Variants in SASH1 observed in about 807,000 individuals in gnomAD.
SASH1 encodes the protein SAM and SH3 domain containing 1, also known as SAM and SH3 domain-containing protein 1.
SASH1 carries 44 observed loss-of-function variants against 125.2 expected under a neutral mutation model. The ratio of observed to expected loss-of-function variants is 0.35; its 90% CI spans 0.28 to 0.45. The LOEUF (loss-of-function observed/expected upper bound fraction) is 0.45, where lower values mean the gene tolerates loss of function less well. SASH1 is among the 20% of genes least tolerant of loss of function. SASH1 has a pLI of 1.00. For synonymous variants in SASH1, 639 were observed against 649.1 expected, an observed-to-expected ratio of 0.98 and a Z score of 0.24; for missense variants, 1,426 against 1,614.5, an observed-to-expected ratio of 0.88 and a Z score of 2.00.
chr6:148,364,277 C>A (rs73601392), intron 1 of SASH1, among the ~76,000 whole-genome samples: 1 of 151,976 alleles, frequency 6.6e-6, no homozygotes. Context: ...ACGTTGAGAT[C>A]GAGAAGGAAG....
chr6:148,243,761 A>G, the SASH1 span, among the ~76,000 whole-genome samples: 1 of 151,758 alleles, frequency 6.6e-6, no homozygotes, highest in African/African-American at 2.4e-5. Flanking sequence ...CGTGACAGTC[A>G]TTATTGAGCT....
rs1779901104 is a variant in SASH1, at chr6:148,300,218, A to T, written n.74+27841A>T. 2.0e-5 allele frequency among the ~76,000 whole-genome samples: 3 copies of T among 152,268 alleles called. No homozygotes were observed. The South Asian group carries it at 6.2e-4, about 32-fold the overall frequency. Reference sequence around the variant, plus strand: ...TTAGTATGATCAGATTCACAAGATGATTTTATGCTAATACTCATTTTCATA... The same window carrying T: ...TTAGTATGATCAGATTCACAAGATGTTTTTATGCTAATACTCATTTTCATA... On this transcript the variant is annotated intron_variant and non_coding_transcript_variant, in intron 1 of 3. Coordinates refer to the SASH1 transcript ENST00000367469.
At chr6:148,212,017 C>T in the SASH1 span, among the ~76,000 whole-genome samples, 7 of 152,326 alleles carry the variant, frequency 4.6e-5, no homozygotes, top group African/African-American at 1.7e-4. Context: ...AATGTCCCCT[C>T]TCAGCTTCAG....
chr6:148,210,558 A>G, the SASH1 span, among the ~76,000 whole-genome samples: 2 of 152,168 alleles, frequency 1.3e-5, no homozygotes, highest in African/African-American at 4.8e-5. Context: ...TCAAAAAACT[A>G]TATCATTGCT....
chr6:148,318,271 C>T (rs1780532249), intron 1 of SASH1, among the ~76,000 whole-genome samples: 2 of 152,134 alleles, frequency 1.3e-5, no homozygotes. Context: ...GGTAGCATTA[C>T]AAAATATTTA....
At chr6:148,238,095 A>AG in the SASH1 span, among the ~76,000 whole-genome samples, 1 of 152,000 alleles carries the variant, frequency 6.6e-6, no homozygotes, top group African/African-American at 2.4e-5. Context: ...TTTTTCTTCA[A>AG]GTTTTTACTC....
At chr6:148,368,770 G>GCGCGCGCACACACACACACA (rs1554245330) in intron 1 of SASH1, among the ~76,000 whole-genome samples, 1 of 135,644 alleles carries the variant, frequency 7.4e-6, no homozygotes, top group African/African-American at 2.7e-5. Flanking sequence ...GCACGCGCGC[G>GCGCGCGCACACACACACACA]CACACACACA....
the SASH1 span, among the ~76,000 whole-genome samples, chr6:148,235,394 A>G: frequency 6.6e-6 from 1 of 151,906 alleles, no homozygotes; most frequent in Admixed American, 6.6e-5. Flanking sequence ...TGTTACTATC[A>G]CTCCTTATTG....
chr6:148,343,094 G>GGGGCCGGAGCCTGAGCCC lies in SASH1; in HGVS notation c.29_46dup (p.Gly10_Pro15dup). 2.6e-6 allele frequency: 4 copies of GGGGCCGGAGCCTGAGCCC among 1,548,918 alleles called. No individual in the cohort carries two copies. Among genetic ancestry groups the GGGGCCGGAGCCTGAGCCC allele is most frequent in the Middle Eastern group, 3.5e-4 (2 of 5,720 alleles). ...TGGAGGACGCGGGAGCAGCTGGCCC[G>GGGGCCGGAGCCTGAGCCC]GGGCCGGAGCCTGAGCCCGAGCCCG... is the stretch of plus-strand genomic sequence containing the variant. On this transcript the variant is annotated inframe_insertion, in exon 1 of 20. Transcript: ENST00000367467.
chr6:148,398,140 C>G (rs763829976), intron 2 of SASH1, among the ~76,000 whole-genome samples: 1 of 152,058 alleles, frequency 6.6e-6, no homozygotes, highest in Non-Finnish European at 1.5e-5. Context: ...ATGGTATAAA[C>G]GATGTGAGGG....
intron 1 of SASH1, among the ~76,000 whole-genome samples, chr6:148,381,426 A>G (rs1409830484): frequency 1.3e-5 from 2 of 152,044 alleles, no homozygotes; most frequent in Non-Finnish European, 2.9e-5. Flanking sequence ...CATTTCCCCA[A>G]GGGAGCAGGG....
intron 1 of SASH1, among the ~76,000 whole-genome samples, chr6:148,368,770 G>GCGCGCACA (rs1554245330): frequency 1.2e-4 from 16 of 135,644 alleles, no homozygotes; most frequent in African/African-American, 4.0e-4. Flanking sequence ...GCACGCGCGC[G>GCGCGCACA]CACACACACA....
At chr6:148,218,561 A>G in the SASH1 span, among the ~76,000 whole-genome samples, 1 of 152,178 alleles carries the variant, frequency 6.6e-6, no homozygotes, top group African/African-American at 2.4e-5. Context: ...TGACTTTTGC[A>G]GGAAAAAGGG....
At chr6:148,297,636 T>C (rs1255494960) in intron 1 of SASH1, among the ~76,000 whole-genome samples, 2 of 152,144 alleles carry the variant, frequency 1.3e-5, no homozygotes, top group Non-Finnish European at 2.9e-5. Flanking sequence ...AAGACCAGCC[T>C]GGGCAACACG....
At chr6:148,416,023 A>G (rs1784802827) in intron 2 of SASH1, among the ~76,000 whole-genome samples, 1 of 151,942 alleles carries the variant, frequency 6.6e-6, no homozygotes, top group Non-Finnish European at 1.5e-5. Context: ...CCATCAAGGC[A>G]TTTGGTTAAC....
At chr6:148,256,719 G>C in the SASH1 span, among the ~76,000 whole-genome samples, 1 of 152,134 alleles carries the variant, frequency 6.6e-6, no homozygotes, top group Admixed American at 6.6e-5. Context: ...AGGCAGAAGG[G>C]AATGGTTAGA....
chr6:148,380,115 TGTCA>T (rs1783076078), intron 1 of SASH1, among the ~76,000 whole-genome samples: 1 of 152,204 alleles, frequency 6.6e-6, no homozygotes. Flanking sequence ...TCATGCCTGT[TGTCA>T]GTCAGTTTTG....
intron 9 of SASH1, 24 bp downstream of exon 9, chr6:148,514,480 A>AAAAAAAAG: frequency 7.1e-7 from 1 of 1,400,904 alleles, no homozygotes; most frequent in Non-Finnish European, 9.3e-7. Context: ...AAAAAAAAAA[A>AAAAAAAAG]AAAAAAGGCA....
chr6:148,411,439 A>G (rs928099157), intron 2 of SASH1, among the ~76,000 whole-genome samples: 1 of 152,194 alleles, frequency 6.6e-6, no homozygotes, highest in African/African-American at 2.4e-5. Flanking sequence ...TTGAATCCTC[A>G]GCATGTACAA....
Sources: gnomAD v4.1 joint callset for allele counts (sites outside exome capture counted in the v4.1 genomes callset) on GRCh38, gnomAD v4.1.1 for gene constraint, MANE v1.5 for transcripts, NCBI Gene and HGNC (gene_info 2026-07-23, HGNC 2026-07-21) for gene names.